DOCK3: variants seen among roughly 807,000 people sequenced by gnomAD.
The protein encoded by DOCK3 is dedicator of cytokinesis 3.
Under a neutral mutation model 265.6 loss-of-function variants are expected in DOCK3, and 60 were observed. That is an observed-to-expected ratio of 0.23 (90% CI 0.18 to 0.28). The LOEUF (loss-of-function observed/expected upper bound fraction) is 0.28, where lower values mean the gene tolerates loss of function less well. Among genes scored for constraint, DOCK3 ranks in the 10% least tolerant of loss-of-function variants. The pLI is 1.00. For missense variants in DOCK3, 1,981 were observed against 2,594.3 expected (o/e 0.76, Z 5.14); for synonymous variants, 881 against 938.0 (o/e 0.94, Z 1.11).
chr3:50,947,222 A>C (rs1322304776), intron 5 of DOCK3, among the ~76,000 whole-genome samples: 1 of 152,150 alleles, frequency 6.6e-6, no homozygotes, highest in Non-Finnish European at 1.5e-5. Context: ...CTTTTTCTTC[A>C]AAATGTGATT....
chr3:51,334,177 T>C (rs934475339), intron 35 of DOCK3, among the ~76,000 whole-genome samples: 3 of 152,206 alleles, frequency 2.0e-5, no homozygotes, highest in African/African-American at 7.2e-5. Context: ...AAGTCTGCCT[T>C]CTCAGTTGTA....
At chr3:50,959,027 A>G (rs1038407518) in intron 5 of DOCK3, among the ~76,000 whole-genome samples, 3 of 152,212 alleles carry the variant, frequency 2.0e-5, no homozygotes, top group Non-Finnish European at 4.4e-5. Context: ...GAATATTTCC[A>G]TCACCCCAAA....
chr3:51,249,143 A>T (rs2079018044), intron 22 of DOCK3, among the ~76,000 whole-genome samples: 1 of 121,436 alleles, frequency 8.2e-6, no homozygotes. Flanking sequence ...CCCGTCCGGG[A>T]GGGAGGTGGG....
At chr3:50,803,785 G>A (rs2043213599) in intron 2 of DOCK3, among the ~76,000 whole-genome samples, 1 of 151,800 alleles carries the variant, frequency 6.6e-6, no homozygotes, top group South Asian at 2.1e-4. Flanking sequence ...GGCTGGCTGG[G>A]CGGGGGCTGC....
At chr3:50,926,892 G>A (rs1390276301) in intron 4 of DOCK3, among the ~76,000 whole-genome samples, 1 of 152,138 alleles carries the variant, frequency 6.6e-6, no homozygotes, top group Non-Finnish European at 1.5e-5. Flanking sequence ...ATGTTCCCTT[G>A]CAGTTTATAG....
intron 3 of DOCK3, among the ~76,000 whole-genome samples, chr3:50,886,209 T>TATATATATATA (rs10689032): frequency 4.9e-5 from 7 of 141,710 alleles, no homozygotes; most frequent in East Asian, 2.0e-4. Context: ...TATATATATA[T>TATATATATATA]TCCAGAGTTT....
chr3:50,982,085 G>A (rs1320741346), intron 5 of DOCK3, among the ~76,000 whole-genome samples: 1 of 152,048 alleles, frequency 6.6e-6, no homozygotes, highest in African/African-American at 2.4e-5. Flanking sequence ...TTGACCTCAG[G>A]TGATCCACCT....
intron 2 of DOCK3, among the ~76,000 whole-genome samples, chr3:50,805,072 T>G (rs1348070814): frequency 6.6e-6 from 1 of 152,158 alleles, no homozygotes; most frequent in Non-Finnish European, 1.5e-5. Context: ...GTGACGTGTT[T>G]TCTTGCTTTT....
chr3:50,764,633 A>T lies in DOCK3; in HGVS notation c.38-14042A>T, dbSNP rs866012176. Among the ~76,000 whole-genome samples, 14 of 152,268 alleles carry T rather than the reference A, an allele frequency of 9.2e-5. No individual in the cohort carries two copies. In the South Asian group the frequency reaches 1.5e-3, roughly 16 times the overall value. On this transcript the variant is annotated intron_variant, in intron 1 of 52. Transcript: ENST00000266037. ...ACATAGTGTGAAAAAATTGAATTTC[A>T]TAAATATCTACAAAATTTAAGAATT...
chr3:50,935,435 T>A (rs1334118251), intron 5 of DOCK3, among the ~76,000 whole-genome samples: 5 of 152,012 alleles, frequency 3.3e-5, no homozygotes, highest in Non-Finnish European at 7.4e-5. Flanking sequence ...AAAATTAAAC[T>A]TTCACCCCCT....
At chr3:50,778,807 A>G in intron 2 of DOCK3, 49 bp downstream of exon 2, 1 of 1,277,528 alleles carries the variant, frequency 7.8e-7, no homozygotes, top group Non-Finnish European at 1.1e-6. Context: ...TTTTGGCAGT[A>G]TTATATACAT....
intron 12 of DOCK3, among the ~76,000 whole-genome samples, chr3:51,163,157 A>G (rs1330248445): frequency 2.6e-5 from 4 of 152,222 alleles, no homozygotes; most frequent in African/African-American, 9.6e-5. Flanking sequence ...ATTGCTATTG[A>G]TAGTTCTTTA....
At chr3:50,970,546 T>TGA (rs1485976434) in intron 5 of DOCK3, among the ~76,000 whole-genome samples, 1 of 152,010 alleles carries the variant, frequency 6.6e-6, no homozygotes, top group Non-Finnish European at 1.5e-5. Context: ...CTTCAAGCTC[T>TGA]GAGATTCTTT....
At chr3:51,017,299 G>GT (rs2108844604) in intron 5 of DOCK3, among the ~76,000 whole-genome samples, 1 of 150,868 alleles carries the variant, frequency 6.6e-6, no homozygotes, top group East Asian at 1.9e-4. Flanking sequence ...TGTCAATTTT[G>GT]TTTATCTTTT....
At chr3:50,805,797 C>T (rs1409726889) in intron 2 of DOCK3, among the ~76,000 whole-genome samples, 1 of 152,178 alleles carries the variant, frequency 6.6e-6, no homozygotes, top group Non-Finnish European at 1.5e-5. Context: ...GGGTGCATGT[C>T]TGCTGGAGGT....
At chr3:50,803,604 G>C (rs191763826) in intron 2 of DOCK3, among the ~76,000 whole-genome samples, 1 of 125,382 alleles carries the variant, frequency 8.0e-6, no homozygotes, top group Non-Finnish European at 1.9e-5. Flanking sequence ...TCCCAGACGG[G>C]GTGGCGGCCG....
At chr3:51,161,776 A>G (rs987196963) in intron 12 of DOCK3, among the ~76,000 whole-genome samples, 6 of 152,226 alleles carry the variant, frequency 3.9e-5, no homozygotes, top group African/African-American at 1.4e-4. Context: ...AATGATCATG[A>G]GTCGAATTTC....
chr3:51,279,557 C>T (rs2081002520), intron 26 of DOCK3, among the ~76,000 whole-genome samples: 1 of 152,176 alleles, frequency 6.6e-6, no homozygotes, highest in Admixed American at 6.5e-5. Flanking sequence ...AAGCCCATAG[C>T]TTGTCCCCTC....
In DOCK3 at chr3:51,166,627, T is replaced by C. The variant is rs2086421206; in HGVS notation, c.1037+5925T>C. ...TCTTCACACTCTTGTCATCACTTGT[T>C]ATCTCTTGTTTTGTGATTACAGCCA... On this transcript the variant is annotated intron_variant, in intron 12 of 52. Coordinates refer to ENST00000266037, the MANE Select transcript of DOCK3 (RefSeq NM_004947.5). Among the ~76,000 whole-genome samples the C allele has an allele frequency of 2.6e-5, 4 of 152,240 alleles. No homozygotes were observed. The South Asian group carries it at 8.3e-4, about 31-fold the overall frequency.
Sources: gnomAD v4.1 joint callset for allele counts (sites outside exome capture counted in the v4.1 genomes callset) on GRCh38, gnomAD v4.1.1 for gene constraint, MANE v1.5 for transcripts, NCBI Gene and HGNC (gene_info 2026-07-23, HGNC 2026-07-21) for gene names.